GPRIN2: variants seen among roughly 807,000 people sequenced by gnomAD.
The protein encoded by GPRIN2 is G protein-regulated inducer of neurite outgrowth 2.
Under a neutral mutation model 0.3 loss-of-function variants are expected in GPRIN2, and 1 was observed. The ratio of observed to expected loss-of-function variants is 3.90; its 90% CI spans 1.39 to 18.51. The LOEUF is 18.51. Ranked by LOEUF, GPRIN2 falls within the 30% of genes most tolerant of loss-of-function variation. GPRIN2 has a pLI of 0.11. For missense variants in GPRIN2, 880 were observed against 604.2 expected (o/e 1.46, Z -4.79); for synonymous variants, 361 against 258.6 (o/e 1.40, Z -3.80).
Position 46,556,641 on chromosome 10 carries a change from G to C in GPRIN2, c.-261C>G, listed in dbSNP as rs1182888276. ...GCCCGCCGCCGTCGGCCCGGCCCGC[G>C]GAGCAAGCGCCGGGTACAGGGAGGG... On this transcript the variant is annotated 5_prime_UTR_variant, in exon 1 of 3. Coordinates refer to ENST00000374314, the MANE Select transcript of GPRIN2 (RefSeq NM_001385282.1). Among the ~76,000 whole-genome samples, 1 of 151,954 alleles carries C rather than the reference G, an allele frequency of 6.6e-6. No homozygotes were observed. The highest frequency in any genetic ancestry group is 1.5e-5 in the Non-Finnish European group (1 of 67,952).
intron 2 of GPRIN2, among the ~76,000 whole-genome samples, chr10:46,552,623 C>T (rs1832112078): frequency 1.4e-4 from 22 of 152,288 alleles, no homozygotes; most frequent in Non-Finnish European, 2.6e-4. Flanking sequence ...CAACTTCCTG[C>T]GATGATGGAA....
rs1203785062 is a variant in GPRIN2 at position 46,546,183 on chromosome 10, G to A, written c.*3177C>T. On this transcript the variant is annotated 3_prime_UTR_variant, in exon 3 of 3. Coordinates refer to ENST00000374314, the MANE Select transcript of GPRIN2 (RefSeq NM_001385282.1). The stretch of plus-strand genomic sequence containing the variant: ...TCTATGAGTTTCTTGTGACAGTGAT[G>A]GCAGCCTGGGGCCAGACAAGGGATG... 6.6e-6 allele frequency among the ~76,000 whole-genome samples: 1 copy of A among 152,300 alleles called. No homozygotes were observed. Among genetic ancestry groups the A allele is most frequent in the African/African-American group, 2.4e-5 (1 of 41,482 alleles).
At position 46,548,643 on chromosome 10, in the gene GPRIN2, C is replaced by A. The variant is rs1217738594; in HGVS notation, c.*717G>T. On this transcript the variant is annotated 3_prime_UTR_variant, in exon 3 of 3. Transcript: ENST00000374314. Reference sequence around the variant, plus strand: ...GCAGGGGCAGCCTCTGTCTCATTCACCACAGAATCCACAGAACCCAGCACA... The same window carrying A: ...GCAGGGGCAGCCTCTGTCTCATTCAACACAGAATCCACAGAACCCAGCACA... Among the ~76,000 whole-genome samples the A allele has an allele frequency of 6.6e-6, 1 of 152,296 alleles. No individual in the cohort carries two copies. Among genetic ancestry groups the A allele is most frequent in the African/African-American group, 2.4e-5 (1 of 41,488 alleles).
intron 1 of GPRIN2, among the ~76,000 whole-genome samples, chr10:46,556,122 G>C (rs1843187742): frequency 6.6e-6 from 1 of 152,302 alleles, no homozygotes; most frequent in Non-Finnish European, 1.5e-5. Context: ...TGCGGGACAG[G>C]AGAAGCCAAA....
chr10:46,550,372 G>A lies in GPRIN2; in HGVS notation c.365C>T (p.Ser122Leu). The change falls in exon 3 of 3, where the codon TCA becomes TTA. Residue 122 changes from serine (S) to leucine (L), a missense_variant. Transcript: ENST00000374314. Reference sequence around the variant, plus strand: ...CATCTGGGTGCTACGGACCAGGTCTGAATGGCTCCTCTGCATAGCAGCAGC... The same window carrying A: ...CATCTGGGTGCTACGGACCAGGTCTAAATGGCTCCTCTGCATAGCAGCAGC... ...PSAAAMQRSH[S>L]DLVRSTQMRG... The A allele has an allele frequency of 6.2e-7, 1 of 1,612,624 alleles. No homozygotes were observed.
chr10:46,546,672 A>T lies in GPRIN2; in HGVS notation c.*2688T>A, dbSNP rs968516399. Among the ~76,000 whole-genome samples the T allele has an allele frequency of 2.6e-5, 4 of 152,300 alleles. No homozygotes were observed. Among genetic ancestry groups the T allele is most frequent in the Non-Finnish European group, 4.4e-5 (3 of 68,046 alleles). ...GGGGCCCTAAACCACTGCAGGCATC[A>T]GGGCTGTTCCAGGAGAGGGCACAGC... On this transcript the variant is annotated 3_prime_UTR_variant, in exon 3 of 3. Coordinates refer to ENST00000374314, the MANE Select transcript of GPRIN2 (RefSeq NM_001385282.1).
rs964670174 is a variant in GPRIN2 at position 46,548,205 on chromosome 10, C to G, written c.*1155G>C. ...CAAGCCCACTCCCATTCTTCACAGG[C>G]CTCGAGAAATCTTTGGGCAATGAAG... On this transcript the variant is annotated 3_prime_UTR_variant, in exon 3 of 3. Coordinates refer to ENST00000374314, the MANE Select transcript of GPRIN2 (RefSeq NM_001385282.1). 6.6e-6 allele frequency among the ~76,000 whole-genome samples: 1 copy of G among 152,296 alleles called. No individual in the cohort carries two copies. Among genetic ancestry groups the G allele is most frequent in the Non-Finnish European group, 1.5e-5 (1 of 68,056 alleles).
intron 1 of GPRIN2, among the ~76,000 whole-genome samples, chr10:46,556,114 C>A (rs1310412852): frequency 6.6e-6 from 1 of 152,300 alleles, no homozygotes; most frequent in Non-Finnish European, 1.5e-5. Context: ...GGTAATGATG[C>A]GGGACAGGAG....
Position 46,550,114 on chromosome 10 carries a change from C to T in GPRIN2, c.623G>A (p.Ser208Asn), listed in dbSNP as rs1832480237. ...TTTGGGCTCAGCCTGGGCACTGCTG[C>T]TGTGGGCAGTTGTGTCCCCCAGGTC... The part of the protein sequence containing the change: ...PLDLGDTTAH[S>N]SSAQAEPKAA... The change falls in exon 3 of 3, where the codon AGC (serine) becomes AAC (asparagine). Residue 208 changes from serine (S) to asparagine (N), a missense_variant. Physicochemically the swap from Ser to Asn is conservative, Grantham distance 46. Transcript: ENST00000374314. The T allele has an allele frequency of 6.2e-7, 1 of 1,610,938 alleles. No individual in the cohort carries two copies.
In GPRIN2 at chr10:46,549,614, C is replaced by A. The variant is rs1832655207; in HGVS notation, c.1123G>T (p.Val375Leu). ...EVTLGSSLEE[V>L]PSPVRDVRWD... ...CGCACATCCCGCACAGGGGACGGCA[C>A]CTCCTCCAGGCTGGACCCCAGAGTT... The change falls in exon 3 of 3, where the codon GTG (valine) becomes TTG (leucine). Residue 375 changes from valine to leucine, a missense_variant. By Grantham distance (32) the Val-to-Leu change is conservative. Coordinates refer to ENST00000374314, the MANE Select transcript of GPRIN2 (RefSeq NM_001385282.1). 393 of 1,613,714 alleles carry A rather than the reference C, an allele frequency of 2.4e-4. 1 individual carries two copies. The South Asian group carries it at 3.8e-3, about 16-fold the overall frequency.
chr10:46,542,019 A>G lies in GPRIN2; in HGVS notation c.*7341T>C, dbSNP rs1841803059. On this transcript the variant is annotated 3_prime_UTR_variant, in exon 3 of 3. Transcript: ENST00000374314. ...TGAATACCCCCAACTCTGAAGAGAAAAAAAATCAAACCAAAGAGTTTTCCT... is the reference window on the plus strand; with the variant it reads ...TGAATACCCCCAACTCTGAAGAGAAGAAAAATCAAACCAAAGAGTTTTCCT... 6.6e-6 allele frequency among the ~76,000 whole-genome samples: 1 copy of G among 152,310 alleles called. No homozygotes were observed. Among genetic ancestry groups the G allele is most frequent in the African/African-American group, 2.4e-5 (1 of 41,488 alleles).
intron 1 of GPRIN2, among the ~76,000 whole-genome samples, chr10:46,556,260 G>A (rs1456523827): frequency 6.6e-6 from 1 of 152,426 alleles, no homozygotes; most frequent in African/African-American, 2.4e-5. Flanking sequence ...GGACAGACTT[G>A]TGAAAATGGG....
At chr10:46,551,789 T>C (rs949540342) in intron 2 of GPRIN2, among the ~76,000 whole-genome samples, 11 of 152,294 alleles carry the variant, frequency 7.2e-5, no homozygotes, top group Non-Finnish European at 1.5e-4. Flanking sequence ...CACTTCTGCA[T>C]CTCTTCCTGG....
At chr10:46,551,365 T>A (rs1284730052) in intron 2 of GPRIN2, 35 of 983,736 alleles carry the variant, frequency 3.6e-5, no homozygotes, top group South Asian at 4.7e-5. Context: ...CCCATCCTCC[T>A]TGGCCTAGCC....
At position 46,547,575 on chromosome 10, in the gene GPRIN2, C is replaced by T. The variant is rs1304135280; in HGVS notation, c.*1785G>A. On this transcript the variant is annotated 3_prime_UTR_variant, in exon 3 of 3. Coordinates refer to ENST00000374314, the MANE Select transcript of GPRIN2 (RefSeq NM_001385282.1). ...CCCTCTCTCCACCCACCTGTCTAAC[C>T]CCTGCATCCTCAAGACCCTACTTAG... Among the ~76,000 whole-genome samples, 1 of 152,308 alleles carries T rather than the reference C, an allele frequency of 6.6e-6. No individual in the cohort carries two copies. The highest frequency in any genetic ancestry group is 1.5e-5 in the Non-Finnish European group (1 of 68,058).
chr10:46,552,066 T>G, intron 2 of GPRIN2, among the ~76,000 whole-genome samples: 1 of 152,428 alleles, frequency 6.6e-6, no homozygotes, highest in African/African-American at 2.4e-5. Flanking sequence ...GTGCCAAAAA[T>G]GGGGTCTGAG....
In GPRIN2 at chr10:46,549,365, C is replaced by CGG; in HGVS notation, c.1370_1371dup (p.Glu458ProfsTer15). On this transcript the variant is annotated frameshift_variant, in exon 3 of 3. Transcript: ENST00000374314. LOFTEE classifies it high-confidence loss of function. ...GCTCCAAGGGCCACAGCTCCTCACT[C>CGG]GGGGGCCGCGCCGGAGCAGCCGCAG... 1 of 1,474,154 alleles carries CGG rather than the reference C, an allele frequency of 6.8e-7. No individual in the cohort carries two copies. The highest frequency in any genetic ancestry group is 9.0e-7 in the Non-Finnish European group (1 of 1,114,954). 91.3% of individuals were successfully genotyped at this position (1,474,154 alleles called of 1,614,324 possible).
Position 46,549,278 on chromosome 10 carries a change from G to A in GPRIN2, c.*82C>T. The A allele has an allele frequency of 1.4e-6, 2 of 1,430,500 alleles. No individual in the cohort carries two copies. The highest frequency in any genetic ancestry group is 1.5e-5 in the South Asian group (1 of 65,398). The allele number at this position is 1,430,500 out of a possible 1,614,324, so 88.6% of individuals were successfully genotyped here. A position where few individuals can be genotyped will look rare whatever the true frequency, so the allele number is the denominator to read the frequency against. On this transcript the variant is annotated 3_prime_UTR_variant, in exon 3 of 3. Coordinates refer to ENST00000374314, the MANE Select transcript of GPRIN2 (RefSeq NM_001385282.1). Reference sequence around the variant, plus strand: ...TGTGCCCAGCTGCCGGTGGGTCCAGGGGGCACGGAGCCCCCACCGTCCCTG... The same window carrying A: ...TGTGCCCAGCTGCCGGTGGGTCCAGAGGGCACGGAGCCCCCACCGTCCCTG...
chr10:46,556,731 G>A (rs1038557605), upstream of GPRIN2, among the ~76,000 whole-genome samples: 8 of 152,174 alleles, frequency 5.3e-5, no homozygotes, highest in Non-Finnish European at 1.2e-4. Flanking sequence ...GCTCACCTGG[G>A]CCCGTGCCAC....
Sources: gnomAD v4.1 joint callset for allele counts (sites outside exome capture counted in the v4.1 genomes callset) on GRCh38, gnomAD v4.1.1 for gene constraint, MANE v1.5 for transcripts, NCBI Gene and HGNC (gene_info 2026-07-23, HGNC 2026-07-21) for gene names.